Variants in PLEKHB2 observed in about 807,000 individuals in gnomAD.
PLEKHB2 encodes the protein pleckstrin homology domain containing B2.
Under a neutral mutation model 36.5 loss-of-function variants are expected in PLEKHB2, and 31 were observed. That is an observed-to-expected ratio of 0.85 (90% CI 0.64 to 1.15). PLEKHB2 has a LOEUF of 1.15. Ranked by LOEUF, PLEKHB2 falls within the 50% of genes most tolerant of loss-of-function variation. The pLI is 0.00. For missense variants in PLEKHB2, 262 were observed against 295.3 expected (o/e 0.89, Z 0.83); for synonymous variants, 119 against 112.0 (o/e 1.06, Z -0.39).
intron 5 of PLEKHB2, 140 bp downstream of exon 5, chr2:131,130,900 C>A: frequency 1.6e-6 from 1 of 642,376 alleles, no homozygotes; most frequent in Non-Finnish European, 2.7e-6. Flanking sequence ...CCCACCTCAG[C>A]CTCCCCTTCC....
At position 131,147,815 on chromosome 2, in the gene PLEKHB2, C is replaced by T. The variant is rs1041521302; in HGVS notation, c.*1042C>T. ...TCTGTCTCAAAAAAAAAAAAAAAATCCTGGAGAAGCCAGAACAATATACAA... is the reference window on the plus strand; with the variant it reads ...TCTGTCTCAAAAAAAAAAAAAAAATTCTGGAGAAGCCAGAACAATATACAA... On this transcript the variant is annotated 3_prime_UTR_variant, in exon 8 of 8. Coordinates refer to ENST00000693505, the MANE Select transcript of PLEKHB2 (RefSeq NM_001100623.2). 2.8e-5 allele frequency: 4 copies of T among 145,294 alleles called. No individual in the cohort carries two copies. The highest frequency in any genetic ancestry group is 1.1e-4 in the African/African-American group (4 of 37,308). 9.0% of individuals were successfully genotyped at this position (145,294 alleles called of 1,614,324 possible).
rs1429371650 is a variant in PLEKHB2 at position 131,146,654 on chromosome 2, C to A, written c.550C>A (p.Pro184Thr). The change falls in exon 8 of 8, where the codon CCT becomes ACT. Residue 184 changes from proline (P) to threonine (T), a missense_variant. Transcript: ENST00000693505. ...TCTTTTAGGACTTTATGGACAGCAG[C>A]CTGCTAACCAAGTCATCATTCGAGA... ...YPYAGLYGQQ[P>T]ANQVIIRERY... 6.2e-7 allele frequency: 1 copy of A among 1,612,732 alleles called. No homozygotes were observed.
At chr2:131,115,675 A>G (rs1314657333) in intron 1 of PLEKHB2, among the ~76,000 whole-genome samples, 1 of 152,002 alleles carries the variant, frequency 6.6e-6, no homozygotes, top group Non-Finnish European at 1.5e-5. Context: ...TTTCTTTAAC[A>G]CATTCTACTG....
chr2:131,145,964 C>T (rs1024981063), intron 7 of PLEKHB2, among the ~76,000 whole-genome samples: 3 of 151,922 alleles, frequency 2.0e-5, no homozygotes, highest in Admixed American at 6.6e-5. Context: ...GGGTGGATTA[C>T]GAGGTCAGGA....
intron 5 of PLEKHB2, among the ~76,000 whole-genome samples, chr2:131,132,642 T>C (rs746200377): frequency 1.3e-5 from 2 of 152,098 alleles, no homozygotes; most frequent in Non-Finnish European, 2.9e-5. Flanking sequence ...CAGTGGGGCC[T>C]CTGAGTGCCT....
At chr2:131,120,689 G>A (rs1212439537) in intron 1 of PLEKHB2, 3 of 578,668 alleles carry the variant, frequency 5.2e-6, no homozygotes, top group Non-Finnish European at 9.3e-6. Flanking sequence ...AGTGGTGTTA[G>A]ACTCGGTCAG....
At position 131,146,922 on chromosome 2, in the gene PLEKHB2, A is replaced by G. The variant is rs527662638; in HGVS notation, c.*149A>G. 3 of 651,904 alleles carry G rather than the reference A, an allele frequency of 4.6e-6. No homozygotes were observed. The highest frequency in any genetic ancestry group is 5.0e-5 in the South Asian group (2 of 40,028). The allele number at this position is 651,904 out of a possible 1,614,324, so 40.4% of individuals were successfully genotyped here. ...TGATGTCATAATTGTACTAATCCAC[A>G]TAAGTACCACAGAGAAGGGTTTGAA... On this transcript the variant is annotated 3_prime_UTR_variant, in exon 8 of 8. Transcript: ENST00000693505.
intron 4 of PLEKHB2, 116 bp from the exon 5 acceptor site, chr2:131,130,605 G>C: frequency 1.3e-6 from 1 of 794,614 alleles, no homozygotes; most frequent in Non-Finnish European, 2.2e-6. Context: ...TTGGGGCAAA[G>C]CCTGAAGACT....
At chr2:131,106,756 T>A (rs1416661134) in intron 1 of PLEKHB2, among the ~76,000 whole-genome samples, 1 of 152,172 alleles carries the variant, frequency 6.6e-6, no homozygotes. Context: ...TCTTCCCTAT[T>A]CGTACTGATC....
rs1695132242 is a variant in PLEKHB2 at position 131,110,042 on chromosome 2, G to C, written c.-9+4644G>C. 2.0e-5 allele frequency among the ~76,000 whole-genome samples: 3 copies of C among 151,794 alleles called. No homozygotes were observed. The South Asian group carries it at 6.2e-4, about 32-fold the overall frequency. On this transcript the variant is annotated intron_variant, in intron 1 of 7. Coordinates refer to ENST00000693505, the MANE Select transcript of PLEKHB2 (RefSeq NM_001100623.2). ...AGGCAGGAGAATGGCATGAACCTGG[G>C]AGGTGGAGGTTGCAGAGAGCTGAGA...
At chr2:131,120,724 G>A (rs1696418660) in intron 1 of PLEKHB2, 1 of 631,066 alleles carries the variant, frequency 1.6e-6, no homozygotes, top group African/African-American at 1.8e-5. Context: ...GAGGCTGAAG[G>A]CGAGTGTGGG....
At chr2:131,142,474 CCT>C (rs967526938) in intron 7 of PLEKHB2, among the ~76,000 whole-genome samples, 2 of 151,360 alleles carry the variant, frequency 1.3e-5, no homozygotes, top group Admixed American at 6.6e-5. Context: ...CTGTTTTTTT[CCT>C]CTCTTTTTTT....
intron 7 of PLEKHB2, among the ~76,000 whole-genome samples, chr2:131,145,098 T>A (rs1699151133): frequency 6.6e-6 from 1 of 152,194 alleles, no homozygotes; most frequent in South Asian, 2.1e-4. Context: ...GAGGCATTAG[T>A]GGGTATAAAT....
At chr2:131,139,735 T>C (rs1363968098) in intron 6 of PLEKHB2, among the ~76,000 whole-genome samples, 1 of 152,190 alleles carries the variant, frequency 6.6e-6, no homozygotes, top group Non-Finnish European at 1.5e-5. Context: ...CTGGAATTGC[T>C]GAATTTGGGC....
chr2:131,119,970 C>CTT (rs1212612084), intron 1 of PLEKHB2, among the ~76,000 whole-genome samples: 65 of 136,714 alleles, frequency 4.8e-4, no homozygotes, highest in African/African-American at 1.6e-3. Flanking sequence ...TCTTCTTCTT[C>CTT]TTTTTTTTTT....
chr2:131,145,765 A>AT (rs1451836289), intron 7 of PLEKHB2, among the ~76,000 whole-genome samples: 1 of 152,246 alleles, frequency 6.6e-6, no homozygotes, highest in Non-Finnish European at 1.5e-5. Context: ...AGCAAACAGT[A>AT]TATTTCCAGT....
chr2:131,117,343 C>A (rs2104812318), intron 1 of PLEKHB2, among the ~76,000 whole-genome samples: 1 of 152,256 alleles, frequency 6.6e-6, no homozygotes, highest in Admixed American at 6.5e-5. Flanking sequence ...AGGAGAATTG[C>A]TTGAACCTGG....
chr2:131,148,875 C>T lies in PLEKHB2; in HGVS notation c.*2102C>T, dbSNP rs1409077418. 1 of 152,208 alleles carries T rather than the reference C, an allele frequency of 6.6e-6. No homozygotes were observed. Among genetic ancestry groups the T allele is most frequent in the East Asian group, 1.9e-4 (1 of 5,204 alleles). 9.4% of individuals were successfully genotyped at this position (152,208 alleles called of 1,614,324 possible). A position where few individuals can be genotyped will look rare whatever the true frequency, so the allele number is the denominator to read the frequency against. The stretch of plus-strand genomic sequence containing the variant: ...TTATTAAAGCTGTATGTACACTTTA[C>T]TTAAAAACTATTAACAGTTTTTCAT... On this transcript the variant is annotated 3_prime_UTR_variant, in exon 8 of 8. Coordinates refer to ENST00000693505, the MANE Select transcript of PLEKHB2 (RefSeq NM_001100623.2).
Position 131,132,976 on chromosome 2 carries a change from T to C in PLEKHB2, c.408T>C (p.Ala136=). The C allele has an allele frequency of 6.2e-7, 1 of 1,613,578 alleles. No individual in the cohort carries two copies. Residue 136 remains alanine (A), a synonymous_variant, in exon 6 of 8, where the codon GCT becomes GCC. Coordinates refer to ENST00000693505, the MANE Select transcript of PLEKHB2 (RefSeq NM_001100623.2). Reference sequence around the variant, plus strand: ...CACCTCCACCATACACGGCCTATGCTGCACCGGCCCCTGAGGTAGGGAGAA... The same window carrying C: ...CACCTCCACCATACACGGCCTATGCCGCACCGGCCCCTGAGGTAGGGAGAA... The part of the protein sequence containing the change: ...VSSPPPYTAY[A]APAPEQAYGY...
Sources: gnomAD v4.1 joint callset for allele counts (sites outside exome capture counted in the v4.1 genomes callset) on GRCh38, gnomAD v4.1.1 for gene constraint, MANE v1.5 for transcripts, NCBI Gene and HGNC (gene_info 2026-07-23, HGNC 2026-07-21) for gene names.